Variants in OPCML observed in about 807,000 individuals in gnomAD.
OPCML encodes opioid-binding protein/cell adhesion molecule.
A neutral mutation model predicts 37.8 loss-of-function variants in OPCML; 13 were observed. The ratio of observed to expected loss-of-function variants is 0.34; its 90% confidence interval spans 0.22 to 0.55. The LOEUF is 0.55. Among genes scored for constraint, OPCML ranks in the 20% least tolerant of loss-of-function variants. The pLI is 0.91. For missense variants in OPCML, 341 were observed against 435.6 expected (o/e 0.78, Z 1.93); for synonymous variants, 176 against 168.8 (o/e 1.04, Z -0.33).
Position 133,521,325 on chromosome 11 carries a change from A to T in OPCML, c.61+10939T>A, listed in dbSNP as rs536171093. Reference sequence around the variant, plus strand: ...AGTCAGAGGCAAAGTCAGGGGCCACATCCTGGGTCAGGAAGTCAGTGCTTC... The same window carrying T: ...AGTCAGAGGCAAAGTCAGGGGCCACTTCCTGGGTCAGGAAGTCAGTGCTTC... On this transcript the variant is annotated intron_variant, in intron 1 of 7. Transcript: ENST00000524381. Among the ~76,000 whole-genome samples the T allele has an allele frequency of 2.6e-5, 4 of 152,320 alleles. No individual in the cohort carries two copies. The South Asian group carries it at 8.3e-4, about 32-fold the overall frequency.
rs2096326434 is a variant in OPCML, at chr11:132,531,908, A to T, written c.380-2722T>A. 3.9e-5 allele frequency among the ~76,000 whole-genome samples: 6 copies of T among 152,132 alleles called. No individual in the cohort carries two copies. In the South Asian group the frequency reaches 1.2e-3, roughly 31 times the overall value. On this transcript the variant is annotated intron_variant, in intron 3 of 7. Transcript: ENST00000524381. Reference sequence around the variant, plus strand: ...TCGCTTCAGCTGGAAGTGTTCGGCCATCTGAAGTTTTTTGTCTTAATTTTT... The same window carrying T: ...TCGCTTCAGCTGGAAGTGTTCGGCCTTCTGAAGTTTTTTGTCTTAATTTTT...
chr11:132,975,244 C>T (rs1946432438), intron 1 of OPCML, among the ~76,000 whole-genome samples: 1 of 151,172 alleles, frequency 6.6e-6, no homozygotes, highest in African/African-American at 2.4e-5. Flanking sequence ...GGTAAGTATC[C>T]TGAAGAAAAA....
At chr11:132,601,978 T>A (rs1450463037) in intron 3 of OPCML, among the ~76,000 whole-genome samples, 2 of 152,158 alleles carry the variant, frequency 1.3e-5, no homozygotes, top group East Asian at 1.9e-4. Context: ...CTCTATTCCC[T>A]CCAGGCACTA....
chr11:132,539,374 G>A (rs1489311202), intron 3 of OPCML, among the ~76,000 whole-genome samples: 1 of 152,188 alleles, frequency 6.6e-6, no homozygotes, highest in Non-Finnish European at 1.5e-5. Context: ...TGTGGATGAA[G>A]TGAAAATAGT....
intron 3 of OPCML, among the ~76,000 whole-genome samples, chr11:132,626,383 A>C (rs530847698): frequency 6.6e-6 from 1 of 152,084 alleles, no homozygotes; most frequent in East Asian, 1.9e-4. Context: ...AAAGCTGGAC[A>C]AAAAAGAAAA....
intron 1 of OPCML, among the ~76,000 whole-genome samples, chr11:133,160,857 TG>T (rs1474157941): frequency 6.6e-6 from 1 of 152,032 alleles, no homozygotes; most frequent in African/African-American, 2.4e-5. Context: ...TGCTGAGGGA[TG>T]GGAAGGAGAC....
intron 2 of OPCML, among the ~76,000 whole-genome samples, chr11:132,729,738 G>A (rs1053668145): frequency 2.0e-5 from 3 of 152,206 alleles, no homozygotes; most frequent in African/African-American, 4.8e-5. Flanking sequence ...CAGGACAGCC[G>A]TGGAGTTTGT....
intron 1 of OPCML, among the ~76,000 whole-genome samples, chr11:133,293,174 G>A (rs1315226991): frequency 6.6e-6 from 1 of 152,032 alleles, no homozygotes; most frequent in Non-Finnish European, 1.5e-5. Flanking sequence ...AAGAGACACG[G>A]GATGGACTGC....
chr11:133,451,455 G>C (rs1946578694), intron 1 of OPCML, among the ~76,000 whole-genome samples: 1 of 151,700 alleles, frequency 6.6e-6, no homozygotes, highest in African/African-American at 2.4e-5. Context: ...GGAAACAGAG[G>C]ACAGAGTTTG....
intron 2 of OPCML, among the ~76,000 whole-genome samples, chr11:132,661,712 C>T (rs779611415): frequency 2.1e-4 from 32 of 152,316 alleles, no homozygotes; most frequent in Admixed American, 5.2e-4. Context: ...CCTACTGATC[C>T]TTGATAAAAC....
chr11:133,433,103 A>G (rs1245171637), intron 1 of OPCML, among the ~76,000 whole-genome samples: 1 of 152,030 alleles, frequency 6.6e-6, no homozygotes, highest in Non-Finnish European at 1.5e-5. Context: ...TTTACTCTCA[A>G]TTATTACGTT....
intron 2 of OPCML, among the ~76,000 whole-genome samples, chr11:132,671,343 A>G (rs1942469548): frequency 6.6e-6 from 1 of 151,842 alleles, no homozygotes; most frequent in Non-Finnish European, 1.5e-5. Context: ...GGCAGGCAAA[A>G]CTCTTTCCTT....
At chr11:132,808,003 G>C (rs1011151636) in intron 2 of OPCML, among the ~76,000 whole-genome samples, 5 of 151,970 alleles carry the variant, frequency 3.3e-5, no homozygotes, top group Non-Finnish European at 7.4e-5. Context: ...TTTCTTTCAA[G>C]AGAGATATTT....
At chr11:132,553,386 G>A (rs12278673) in intron 3 of OPCML, among the ~76,000 whole-genome samples, 50,678 of 151,916 alleles carry the variant, frequency 0.33, 8,648 homozygotes, top group Middle Eastern at 0.44. Context: ...CTCCTAAGTC[G>A]GTGTGTACAA....
intron 4 of OPCML, among the ~76,000 whole-genome samples, chr11:132,454,494 A>C (rs926024624): frequency 2.0e-5 from 3 of 152,196 alleles, no homozygotes; most frequent in African/African-American, 4.8e-5. Context: ...CTGCGGTAAC[A>C]GCCCCTCTAC....
At chr11:132,518,767 C>T (rs1170269625) in intron 4 of OPCML, among the ~76,000 whole-genome samples, 2 of 152,194 alleles carry the variant, frequency 1.3e-5, no homozygotes, top group African/African-American at 4.8e-5. Flanking sequence ...CTATCTCTCC[C>T]ACTAGACCAT....
chr11:133,512,748 A>G (rs556489704), intron 1 of OPCML, among the ~76,000 whole-genome samples: 2 of 152,296 alleles, frequency 1.3e-5, no homozygotes, highest in East Asian at 3.9e-4. Flanking sequence ...TCTCTGTCAG[A>G]CTAGCCTATC....
At chr11:133,235,343 T>A (rs1940464977) in intron 1 of OPCML, among the ~76,000 whole-genome samples, 2 of 152,116 alleles carry the variant, frequency 1.3e-5, no homozygotes, top group African/African-American at 4.8e-5. Context: ...CTGTTTTTCA[T>A]CCCTCTCTCC....
Position 133,089,620 on chromosome 11 carries a change from T to C in OPCML, c.62-146610A>G, listed in dbSNP as rs116118546. Among the ~76,000 whole-genome samples, 898 of 152,250 alleles carry C rather than the reference T, an allele frequency of 5.9e-3. 8 individuals carry two copies. The highest frequency in any genetic ancestry group is 0.021 in the African/African-American group (865 of 41,548). ...TCTGGGAGTCACACAGCTGAATTCA[T>C]TAAGAAATAAGAAAGAATATGATTA... On this transcript the variant is annotated intron_variant, in intron 1 of 7. Coordinates refer to ENST00000524381, the MANE Select transcript of OPCML (RefSeq NM_001012393.5).
Sources: allele counts gnomAD v4.1 joint callset (sites outside exome capture counted in the v4.1 genomes callset), GRCh38; gene constraint gnomAD v4.1.1; transcripts MANE v1.5; gene names NCBI Gene and HGNC (gene_info 2026-07-23, HGNC 2026-07-21).